Variants in UBAP2L observed in about 807,000 individuals in gnomAD.
UBAP2L encodes ubiquitin-associated protein 2-like.
UBAP2L carries 12 observed loss-of-function variants against 130.6 expected under a neutral mutation model. That is an observed-to-expected ratio of 0.09 (90% CI 0.06 to 0.15). UBAP2L has a LOEUF of 0.15. Ranked by LOEUF, UBAP2L falls within the 10% of genes least tolerant of loss-of-function variation. The pLI is 1.00. For missense variants in UBAP2L, 965 were observed against 1,332.5 expected (o/e 0.72, Z 4.29); for synonymous variants, 503 against 524.7 (o/e 0.96, Z 0.57).
rs1037434836 is a variant in UBAP2L, at chr1:154,236,931, C to T, written c.591-93C>T. On this transcript the variant is annotated intron_variant, in intron 7 of 26. Coordinates refer to ENST00000428931, the MANE Select transcript of UBAP2L (RefSeq NM_014847.4). ...AGAATGGGGCCATGACAGATTTGTA[C>T]TAGGAAGGATGCAGTCAAGATTTTG... is the stretch of plus-strand genomic sequence containing the variant. 4 of 951,620 alleles carry T rather than the reference C, an allele frequency of 4.2e-6. No individual in the cohort carries two copies. In the East Asian group the frequency reaches 1.0e-4, roughly 24 times the overall value. 58.9% of individuals were successfully genotyped at this position (951,620 alleles called of 1,614,324 possible). A position where few individuals can be genotyped will look rare whatever the true frequency, so the allele number is the denominator to read the frequency against.
At chr1:154,252,532 C>T (rs1263087061) in intron 14 of UBAP2L, among the ~76,000 whole-genome samples, 2 of 151,874 alleles carry the variant, frequency 1.3e-5, no homozygotes, top group Non-Finnish European at 2.9e-5. Flanking sequence ...CTGCCCTCCT[C>T]GGCCTCCCAA....
Position 154,261,125 on chromosome 1 carries a change from T to G in UBAP2L, c.2796+16T>G, listed in dbSNP as rs748496368. On this transcript the variant is annotated intron_variant, in intron 23 of 26. Transcript: ENST00000428931. ...TGTGTTCCCTGTGAGTACCTGGCTT[T>G]GGTCACTCCTTGTGGTGAAGGATCC... is the stretch of plus-strand genomic sequence containing the variant. 5.6e-6 allele frequency: 9 copies of G among 1,611,226 alleles called. No homozygotes were observed. In the Admixed American group the frequency reaches 6.7e-5, roughly 12 times the overall value.
chr1:154,253,816 A>G, intron 14 of UBAP2L, 84 bp from the exon 15 acceptor site: 1 of 1,357,782 alleles, frequency 7.4e-7, no homozygotes, highest in Non-Finnish European at 1.0e-6. Context: ...AAGTTATTCC[A>G]CTAGTAGATC....
intron 23 of UBAP2L, among the ~76,000 whole-genome samples, chr1:154,261,387 C>A (rs1422259158): frequency 6.6e-6 from 1 of 152,134 alleles, no homozygotes; most frequent in Non-Finnish European, 1.5e-5. Context: ...GCCATTGTCC[C>A]TTTTTCTTCC....
chr1:154,253,707 C>A (rs1678667643), intron 14 of UBAP2L, among the ~76,000 whole-genome samples, 193 bp from the exon 15 acceptor site: 1 of 152,092 alleles, frequency 6.6e-6, no homozygotes, highest in African/African-American at 2.4e-5. Flanking sequence ...TAATTCAGAT[C>A]TCTGGCGCTA....
rs760360496 is a variant in UBAP2L, at chr1:154,257,318, T to C, written c.2354-28T>C. ...ATGGAGGAGGTAAGTAATTGTGTGATGGGATAAAAATGTAATTTCTCTTTT... is the reference window on the plus strand; with the variant it reads ...ATGGAGGAGGTAAGTAATTGTGTGACGGGATAAAAATGTAATTTCTCTTTT... On this transcript the variant is annotated intron_variant, in intron 19 of 26. Transcript: ENST00000428931. The C allele has an allele frequency of 3.2e-5, 52 of 1,614,048 alleles. No individual in the cohort carries two copies. The East Asian group carries it at 4.0e-4, about 12-fold the overall frequency.
At chr1:154,220,490 C>G, upstream of UBAP2L, 1 of 1,497,678 alleles carries the variant, frequency 6.7e-7, no homozygotes, top group Non-Finnish European at 9.3e-7. Flanking sequence ...AGCGACGGCG[C>G]CTGGGTCCCC....
chr1:154,220,198 C>T, upstream of UBAP2L: 1 of 1,050,628 alleles, frequency 9.5e-7, no homozygotes, highest in Non-Finnish European at 1.5e-6. Context: ...GTGACTTAAA[C>T]TCCCACCTAC....
At chr1:154,257,308 A>G in intron 19 of UBAP2L, 38 bp from the exon 20 acceptor site, 2 of 1,614,140 alleles carry the variant, frequency 1.2e-6, no homozygotes, top group Non-Finnish European at 1.7e-6. Flanking sequence ...GGAGGTAAGT[A>G]ATTGTGTGAT....
In UBAP2L at chr1:154,270,214, A is replaced by G. The variant is rs768260822; in HGVS notation, c.3183A>G (p.Gln1061=). ...TTCCCCTGCAGACGGGCAGCGGGCA[A>G]CGTAGCCAGACCAGCTCCATCCCGC... The part of the protein sequence containing the change: ...LQQDGQTGSG[Q]RSQTSSIPQK... Residue 1061 remains glutamine, a synonymous_variant, in exon 27 of 27, where the codon CAA becomes CAG. Coordinates refer to ENST00000428931, the MANE Select transcript of UBAP2L (RefSeq NM_014847.4). 1.9e-6 allele frequency: 3 copies of G among 1,606,944 alleles called. No homozygotes were observed. The highest frequency in any genetic ancestry group is 2.6e-6 in the Non-Finnish European group (3 of 1,175,492).
Position 154,234,664 on chromosome 1 carries a change from A to T in UBAP2L, c.353A>T (p.Glu118Val). Residue 118 changes from glutamate to valine, a missense_variant, in exon 5 of 27, where the codon GAG (glutamate) becomes GTG (valine). Physicochemically the swap from Glu to Val is moderately radical, Grantham distance 121. Coordinates refer to ENST00000428931, the MANE Select transcript of UBAP2L (RefSeq NM_014847.4). ...QKDGGQTESN[E>V]EGKENRDRDR... ...GATGGTGGCCAGACGGAATCCAATG[A>T]GGAAGGCAAAGAAAATCGAGACCGG... The T allele has an allele frequency of 6.2e-7, 1 of 1,614,142 alleles. No individual in the cohort carries two copies. The highest frequency in any genetic ancestry group is 8.5e-7 in the Non-Finnish European group (1 of 1,180,020).
chr1:154,224,551 A>G (rs1224701933), intron 1 of UBAP2L, among the ~76,000 whole-genome samples: 1 of 152,242 alleles, frequency 6.6e-6, no homozygotes, highest in Non-Finnish European at 1.5e-5. Flanking sequence ...GGGACAAAGA[A>G]GAGTCTAGAC....
Position 154,235,780 on chromosome 1 carries a change from T to C in UBAP2L, c.544+489T>C, listed in dbSNP as rs188130547. Among the ~76,000 whole-genome samples the C allele has an allele frequency of 2.0e-5, 3 of 152,236 alleles. No individual in the cohort carries two copies. In the East Asian group the frequency reaches 5.8e-4, roughly 29 times the overall value. ...CCGCCTCGCTAATTTTTAAATGCTTTTGTAGAGATGGAGTCTCAATATGTT... is the reference window on the plus strand; with the variant it reads ...CCGCCTCGCTAATTTTTAAATGCTTCTGTAGAGATGGAGTCTCAATATGTT... On this transcript the variant is annotated intron_variant, in intron 6 of 26. Transcript: ENST00000428931.
At chr1:154,256,244 A>G (rs1679611258) in intron 18 of UBAP2L, among the ~76,000 whole-genome samples, 1 of 152,348 alleles carries the variant, frequency 6.6e-6, no homozygotes, top group South Asian at 2.1e-4. Flanking sequence ...GGAAGGACCC[A>G]TTTTGGACAA....
chr1:154,261,013 G>T lies in UBAP2L; in HGVS notation c.2700G>T (p.Pro900=). Reference sequence around the variant, plus strand: ...CCACGCAGCAGACATTCCTGAACCCGGCGCTGCCTCCTGGCTACAGTTACA... The same window carrying T: ...CCACGCAGCAGACATTCCTGAACCCTGCGCTGCCTCCTGGCTACAGTTACA... ...HHTTQQTFLN[P]ALPPGYSYTS... is the part of the protein sequence containing the mutation. The change falls in exon 23 of 27, where the codon CCG becomes CCT. Residue 900 remains proline (P), a synonymous_variant. Coordinates refer to ENST00000428931, the MANE Select transcript of UBAP2L (RefSeq NM_014847.4). 1 of 1,614,156 alleles carries T rather than the reference G, an allele frequency of 6.2e-7. No individual in the cohort carries two copies. Among genetic ancestry groups the T allele is most frequent in the East Asian group, 2.2e-5 (1 of 44,876 alleles).
At chr1:154,252,481 A>T (rs888788055) in intron 14 of UBAP2L, among the ~76,000 whole-genome samples, 3 of 150,790 alleles carry the variant, frequency 2.0e-5, no homozygotes, top group Non-Finnish European at 4.4e-5. Flanking sequence ...GGGTTTCACC[A>T]TGTTGGCCAG....
intron 8 of UBAP2L, among the ~76,000 whole-genome samples, chr1:154,237,735 G>A (rs971507971): frequency 6.6e-6 from 1 of 152,114 alleles, no homozygotes; most frequent in Non-Finnish European, 1.5e-5. Flanking sequence ...GTGCCCTGTT[G>A]AACAGCCTTC....
chr1:154,245,857 G>A, intron 10 of UBAP2L, among the ~76,000 whole-genome samples: 1 of 152,198 alleles, frequency 6.6e-6, no homozygotes. Context: ...AGAGCTAGCA[G>A]TGAGCCAAGA....
chr1:154,263,029 A>G, intron 24 of UBAP2L: 1 of 1,427,416 alleles, frequency 7.0e-7, no homozygotes, highest in Non-Finnish European at 9.5e-7. Context: ...GCCCTTGAGA[A>G]CCCCCAGTTC....
Sources: allele counts gnomAD v4.1 joint callset (sites outside exome capture counted in the v4.1 genomes callset), GRCh38; gene constraint gnomAD v4.1.1; transcripts MANE v1.5; gene names NCBI Gene and HGNC (gene_info 2026-07-23, HGNC 2026-07-21).